Variants in CACNA1C observed in about 807,000 individuals in gnomAD.
CACNA1C encodes the protein voltage-dependent L-type calcium channel subunit alpha-1C.
CACNA1C carries 30 observed loss-of-function variants against 229.0 expected under a neutral mutation model. The observed-to-expected ratio is 0.13, with a 90% CI of 0.10 to 0.18. The LOEUF (loss-of-function observed/expected upper bound fraction) is 0.18, where lower values mean the gene tolerates loss of function less well. CACNA1C is among the 10% of genes least tolerant of loss of function. The probability of loss-of-function intolerance (pLI) is 1.00; values close to 1 mark genes in which losing one functional copy is unlikely to be tolerated. For synonymous variants in CACNA1C, 1,114 were observed against 1,132.5 expected (o/e 0.98, Z 0.33); for missense variants, 1,658 against 2,845.0 (o/e 0.58, Z 9.49).
intron 42 of CACNA1C, among the ~76,000 whole-genome samples, chr12:2,682,215 A>G (rs2097183541): frequency 1.3e-5 from 2 of 152,210 alleles, no homozygotes; most frequent in Admixed American, 6.5e-5. Flanking sequence ...TAGGCAGGGC[A>G]TATGTCATTC....
chr12:2,563,678 T>C (rs1206129938), intron 11 of CACNA1C, among the ~76,000 whole-genome samples: 1 of 152,172 alleles, frequency 6.6e-6, no homozygotes, highest in Admixed American at 6.5e-5. Flanking sequence ...GATAGAAAAA[T>C]GACAGAGTAG....
intron 13 of CACNA1C, among the ~76,000 whole-genome samples, chr12:2,578,058 CG>C (rs1281135605): frequency 2.0e-5 from 3 of 151,634 alleles, no homozygotes; most frequent in East Asian, 1.9e-4. Flanking sequence ...TTAGTAGAGA[CG>C]GGGTTTCACC....
At chr12:2,270,357 A>G (rs968017634) in intron 3 of CACNA1C, among the ~76,000 whole-genome samples, 1 of 152,206 alleles carries the variant, frequency 6.6e-6, no homozygotes, top group African/African-American at 2.4e-5. Context: ...TTTTGAGGGC[A>G]GGGCCTGATT....
intron 3 of CACNA1C, among the ~76,000 whole-genome samples, chr12:2,135,888 G>A (rs555480031): frequency 2.0e-5 from 3 of 148,244 alleles, no homozygotes; most frequent in Non-Finnish European, 3.0e-5. Context: ...GGGCAATGGC[G>A]GGCGCCCCTC....
In CACNA1C at chr12:2,585,876, G is replaced by A. The variant is rs1246906173; in HGVS notation, c.2502G>A (p.Lys834=). The A allele has an allele frequency of 1.2e-6, 2 of 1,607,438 alleles. No individual in the cohort carries two copies. The highest frequency in any genetic ancestry group is 1.3e-5 in the African/African-American group (1 of 74,732). Residue 834 remains lysine (K), a synonymous_variant, in exon 18 of 47, where the codon AAG becomes AAA. Coordinates refer to ENST00000399655, the MANE Select transcript of CACNA1C (RefSeq NM_000719.7). This position sits in a 1 kb window ranked among gnomAD's most constrained non-coding sequence, Gnocchi z 4.1. Reference sequence around the variant, plus strand: ...TCCAGCCCAATGAAAATGAGGATAAGAGCCCCTACCCCAACCCAGAAACTA... The same window carrying A: ...TCCAGCCCAATGAAAATGAGGATAAAAGCCCCTACCCCAACCCAGAAACTA... The part of the protein sequence containing the change: ...DDLQPNENED[K]SPYPNPETTG...
At chr12:2,359,934 C>G (rs190571689) in intron 3 of CACNA1C, among the ~76,000 whole-genome samples, 1 of 152,064 alleles carries the variant, frequency 6.6e-6, no homozygotes, top group Admixed American at 6.5e-5. Flanking sequence ...TCTTCCCAGA[C>G]GAGAGCAGCA....
At chr12:2,554,131 C>G (rs1841463063) in intron 10 of CACNA1C, among the ~76,000 whole-genome samples, 3 of 152,190 alleles carry the variant, frequency 2.0e-5, no homozygotes, top group African/African-American at 4.8e-5. Context: ...ACAAATGGCT[C>G]TCAAGAAGTT....
intron 1 of CACNA1C, among the ~76,000 whole-genome samples, chr12:2,043,521 G>A (rs1406983947): frequency 1.3e-5 from 2 of 152,094 alleles, no homozygotes; most frequent in African/African-American, 2.4e-5. Context: ...ACCTGGAGGT[G>A]ACACAGTCAC....
At chr12:1,987,979 T>C (rs1467690928) in intron 1 of CACNA1C, among the ~76,000 whole-genome samples, 2 of 152,204 alleles carry the variant, frequency 1.3e-5, no homozygotes, top group African/African-American at 4.8e-5. Flanking sequence ...TTGTAAATTT[T>C]TTCTTGGATA....
chr12:2,213,200 G>A (rs1268079784), intron 3 of CACNA1C, among the ~76,000 whole-genome samples: 1 of 152,108 alleles, frequency 6.6e-6, no homozygotes, highest in Non-Finnish European at 1.5e-5. Flanking sequence ...CTGACAGCCT[G>A]GAAGGGCCCT....
At chr12:2,074,686 A>T (rs2062549874) in intron 1 of CACNA1C, among the ~76,000 whole-genome samples, 1 of 152,160 alleles carries the variant, frequency 6.6e-6, no homozygotes, top group Admixed American at 6.5e-5. Flanking sequence ...TTCCGCAGCA[A>T]ATGGATGAAT....
intron 1 of CACNA1C, among the ~76,000 whole-genome samples, chr12:1,983,733 T>C (rs1017467326): frequency 6.6e-6 from 1 of 152,068 alleles, no homozygotes; most frequent in Admixed American, 6.5e-5. Context: ...ATGACAGCTG[T>C]GTTTAGTTGA....
Position 2,651,417 on chromosome 12 carries a change from C to G in CACNA1C, c.3946-223C>G. 2 of 595,114 alleles carry G rather than the reference C, an allele frequency of 3.4e-6. No individual in the cohort carries two copies. The allele number at this position is 595,114 out of a possible 1,614,324, so 36.9% of individuals were successfully genotyped here. Reference sequence around the variant, plus strand: ...GAGAATAAAAACACAGGACCACAGCCCAGCGGCCTGGGCACAGTCTAGCTC... The same window carrying G: ...GAGAATAAAAACACAGGACCACAGCGCAGCGGCCTGGGCACAGTCTAGCTC... On this transcript the variant is annotated intron_variant, in intron 31 of 46. Coordinates refer to ENST00000399655, the MANE Select transcript of CACNA1C (RefSeq NM_000719.7). This position sits in a 1 kb window ranked among gnomAD's most constrained non-coding sequence, Gnocchi z 5.4.
intron 3 of CACNA1C, among the ~76,000 whole-genome samples, chr12:2,252,619 G>C (rs2075989206): frequency 6.6e-6 from 1 of 152,220 alleles, no homozygotes; most frequent in Admixed American, 6.5e-5. Flanking sequence ...GGTTGCCTTT[G>C]TAGGTGGTAG....
At chr12:2,386,451 T>C (rs987233470) in intron 3 of CACNA1C, among the ~76,000 whole-genome samples, 13 of 152,200 alleles carry the variant, frequency 8.5e-5, no homozygotes, top group Non-Finnish European at 1.5e-4. Flanking sequence ...CCAACTGCAG[T>C]GGCCCAAACA....
In CACNA1C at chr12:2,678,583, G is replaced by A. The variant is rs12829506; in HGVS notation, c.5091+716G>A. Among the ~76,000 whole-genome samples, 7 of 152,288 alleles carry A rather than the reference G, an allele frequency of 4.6e-5. No individual in the cohort carries two copies. The highest frequency in any genetic ancestry group is 4.1e-4 in the South Asian group (2 of 4,828). On this transcript the variant is annotated intron_variant, in intron 41 of 46. Coordinates refer to ENST00000399655, the MANE Select transcript of CACNA1C (RefSeq NM_000719.7). This position sits in a 1 kb window ranked among gnomAD's most constrained non-coding sequence, Gnocchi z 4.1. ...AATTGTGCAGGACCCTGCTCACACC[G>A]CTCTCTCCCGGCCGCGGGCCCAGTT...
intron 34 of CACNA1C, chr12:2,660,524 C>CT (rs1400134037): frequency 1.3e-5 from 2 of 151,420 alleles, no homozygotes; most frequent in Non-Finnish European, 2.9e-5. Flanking sequence ...AAACAGAACA[C>CT]TAAAAAAAAA....
At chr12:2,205,992 A>G (rs897942707) in intron 3 of CACNA1C, among the ~76,000 whole-genome samples, 7 of 152,128 alleles carry the variant, frequency 4.6e-5, no homozygotes, top group East Asian at 1.9e-4. Context: ...CCCCAATATC[A>G]TCACACTGGG....
chr12:2,485,551 C>A (rs2099694414), intron 5 of CACNA1C, among the ~76,000 whole-genome samples: 1 of 152,150 alleles, frequency 6.6e-6, no homozygotes, highest in Non-Finnish European at 1.5e-5. Flanking sequence ...TTTAGAGTTT[C>A]TTTTCTTGTG....
Sources: allele counts gnomAD v4.1 joint callset (sites outside exome capture counted in the v4.1 genomes callset), GRCh38; gene constraint gnomAD v4.1.1; non-coding constraint Gnocchi (gnomAD v3.1); transcripts MANE v1.5; gene names NCBI Gene and HGNC (gene_info 2026-07-23, HGNC 2026-07-21).